SUSD4: variants seen among roughly 807,000 people sequenced by gnomAD.
SUSD4 encodes sushi domain containing 4.
SUSD4 carries 41 observed loss-of-function variants against 50.5 expected under a neutral mutation model. The ratio of observed to expected loss-of-function variants is 0.81; its 90% CI spans 0.63 to 1.05. SUSD4 has a LOEUF of 1.05. SUSD4 is among the 50% of genes least tolerant of loss of function. The pLI, the probability that SUSD4 is intolerant of heterozygous loss-of-function variation, is 0.00. For synonymous variants in SUSD4, 257 were observed against 257.3 expected, an observed-to-expected ratio of 1.00 and a Z score of 0.01; for missense variants, 580 against 634.7, an observed-to-expected ratio of 0.91 and a Z score of 0.93.
At chr1:223,317,080 T>A (rs1397784447) in intron 2 of SUSD4, among the ~76,000 whole-genome samples, 1 of 152,214 alleles carries the variant, frequency 6.6e-6, no homozygotes, top group Non-Finnish European at 1.5e-5. Context: ...CTGGGCTGCA[T>A]TCCCAGATGG....
chr1:223,359,925 G>C (rs1256219453), intron 2 of SUSD4, among the ~76,000 whole-genome samples: 1 of 140,968 alleles, frequency 7.1e-6, no homozygotes, highest in Non-Finnish European at 1.6e-5. Flanking sequence ...AACAGTGCTT[G>C]GCTCAGGACG....
chr1:223,298,556 C>G (rs1664985637), intron 2 of SUSD4, among the ~76,000 whole-genome samples: 1 of 152,170 alleles, frequency 6.6e-6, no homozygotes, highest in African/African-American at 2.4e-5. Context: ...TTTGGCCAGT[C>G]ACCCTCTGCT....
intron 2 of SUSD4, among the ~76,000 whole-genome samples, chr1:223,329,220 T>A (rs1388808130): frequency 1.3e-5 from 2 of 152,200 alleles, no homozygotes; most frequent in Admixed American, 1.3e-4. Context: ...GTATTTATCA[T>A]CATGGAGAAG....
Position 223,222,084 on chromosome 1 carries a change from G to T in SUSD4, c.*108C>A. On this transcript the variant is annotated 3_prime_UTR_variant, in exon 9 of 9. Coordinates refer to ENST00000366878, the MANE Select transcript of SUSD4 (RefSeq NM_017982.4). Reference sequence around the variant, plus strand: ...TAATGTGAACTGTGGTCCCCATGTAGACAAGTTAGACATTTTGCCCCCAGG... The same window carrying T: ...TAATGTGAACTGTGGTCCCCATGTATACAAGTTAGACATTTTGCCCCCAGG... 9.0e-7 allele frequency: 1 copy of T among 1,116,898 alleles called. No homozygotes were observed. 69.2% of individuals were successfully genotyped at this position (1,116,898 alleles called of 1,614,324 possible).
chr1:223,227,206 G>A lies in SUSD4; in HGVS notation c.1061+388C>T, dbSNP rs771904923. On this transcript the variant is annotated intron_variant, in intron 7 of 8. Coordinates refer to ENST00000366878, the MANE Select transcript of SUSD4 (RefSeq NM_017982.4). This position sits in a 1 kb window ranked among gnomAD's most constrained non-coding sequence, Gnocchi z 4.5. Reference sequence around the variant, plus strand: ...CCTCTGACCTGTGTCCCAGTCAGCTGTGTGCGCATCTTACCCTCCCTATAG... The same window carrying A: ...CCTCTGACCTGTGTCCCAGTCAGCTATGTGCGCATCTTACCCTCCCTATAG... Among the ~76,000 whole-genome samples, 1 of 152,142 alleles carries A rather than the reference G, an allele frequency of 6.6e-6. No individual in the cohort carries two copies. Among genetic ancestry groups the A allele is most frequent in the Non-Finnish European group, 1.5e-5 (1 of 68,036 alleles).
chr1:223,281,590 T>C (rs1558211476), intron 3 of SUSD4, among the ~76,000 whole-genome samples: 1 of 152,202 alleles, frequency 6.6e-6, no homozygotes, highest in Non-Finnish European at 1.5e-5. Flanking sequence ...ATTGAGGCAA[T>C]AATTAATAGC....
At chr1:223,224,862 C>CTTTTT (rs11345619) in intron 7 of SUSD4, among the ~76,000 whole-genome samples, 4 of 59,280 alleles carry the variant, frequency 6.7e-5, no homozygotes, top group Admixed American at 4.2e-4. Context: ...TGGTTTCTTC[C>CTTTTT]TTTTTTTTTT....
At chr1:223,320,398 A>C (rs1448741975) in intron 2 of SUSD4, among the ~76,000 whole-genome samples, 1 of 152,104 alleles carries the variant, frequency 6.6e-6, no homozygotes. Flanking sequence ...ATGTAGAACA[A>C]GACCAGGACA....
intron 2 of SUSD4, among the ~76,000 whole-genome samples, chr1:223,343,552 T>C (rs1667872949): frequency 6.6e-6 from 1 of 152,206 alleles, no homozygotes; most frequent in Non-Finnish European, 1.5e-5. Context: ...AAAAATATGA[T>C]ATATTGTTAA....
Position 223,227,113 on chromosome 1 carries a change from C to G in SUSD4, c.1061+481G>C, listed in dbSNP as rs1331367967. On this transcript the variant is annotated intron_variant, in intron 7 of 8. Coordinates refer to ENST00000366878, the MANE Select transcript of SUSD4 (RefSeq NM_017982.4). This position sits in a 1 kb window ranked among gnomAD's most constrained non-coding sequence, Gnocchi z 4.5. Reference sequence around the variant, plus strand: ...ACTCTCACTAGCCCTTTCCTGATTGCTCCTGGAATCAGAAAAGTCTTTTCT... The same window carrying G: ...ACTCTCACTAGCCCTTTCCTGATTGGTCCTGGAATCAGAAAAGTCTTTTCT... Among the ~76,000 whole-genome samples, 1 of 152,210 alleles carries G rather than the reference C, an allele frequency of 6.6e-6. No individual in the cohort carries two copies. The highest frequency in any genetic ancestry group is 1.5e-5 in the Non-Finnish European group (1 of 68,040).
chr1:223,307,226 C>T (rs905488124), intron 2 of SUSD4, among the ~76,000 whole-genome samples: 5 of 152,130 alleles, frequency 3.3e-5, no homozygotes, highest in African/African-American at 2.4e-5. Context: ...GAAGACAATG[C>T]ATGGGGCAAT....
intron 5 of SUSD4, among the ~76,000 whole-genome samples, chr1:223,255,023 G>C (rs1442570155): frequency 6.6e-6 from 1 of 152,228 alleles, no homozygotes; most frequent in East Asian, 1.9e-4. Flanking sequence ...CAAGGTGATA[G>C]TAACACGAAC....
At chr1:223,236,945 C>T (rs552086652) in intron 5 of SUSD4, among the ~76,000 whole-genome samples, 24 of 152,136 alleles carry the variant, frequency 1.6e-4, no homozygotes, top group East Asian at 3.9e-4. Flanking sequence ...TTGGGAAGAA[C>T]GAACATCTGG....
chr1:223,280,803 C>G (rs566246452), intron 3 of SUSD4, among the ~76,000 whole-genome samples: 1 of 152,180 alleles, frequency 6.6e-6, no homozygotes, highest in African/African-American at 2.4e-5. Context: ...AGCACCACAT[C>G]GCACTTATTC....
chr1:223,296,154 A>G (rs1458950024), intron 2 of SUSD4, among the ~76,000 whole-genome samples: 1 of 152,048 alleles, frequency 6.6e-6, no homozygotes, highest in Non-Finnish European at 1.5e-5. Context: ...CTCCTGCAGT[A>G]CTCCAGGTGA....
At chr1:223,252,238 T>A (rs200998770) in intron 5 of SUSD4, among the ~76,000 whole-genome samples, 517 of 62,202 alleles carry the variant, frequency 8.3e-3, no homozygotes, top group Non-Finnish European at 0.015. Context: ...AAAAAAAAAA[T>A]ATATATATAT....
At chr1:223,288,168 G>A (rs1476443170) in intron 3 of SUSD4, among the ~76,000 whole-genome samples, 1 of 152,154 alleles carries the variant, frequency 6.6e-6, no homozygotes, top group African/African-American at 2.4e-5. Flanking sequence ...CTGATGGGAG[G>A]TGATTGGATC....
intron 2 of SUSD4, chr1:223,360,345 T>C (rs1668904337): frequency 2.3e-6 from 1 of 426,300 alleles, no homozygotes. Flanking sequence ...GCTGAAGCCA[T>C]GCTCCATGCA....
intron 2 of SUSD4, among the ~76,000 whole-genome samples, chr1:223,315,669 A>G (rs1323480914): frequency 1.3e-5 from 2 of 152,206 alleles, no homozygotes. Context: ...TTGTCTATGC[A>G]GGGAGAAGGA....
Sources: gnomAD v4.1 joint callset for allele counts (sites outside exome capture counted in the v4.1 genomes callset) on GRCh38, gnomAD v4.1.1 for gene constraint, Gnocchi (gnomAD v3.1) non-coding constraint, MANE v1.5 for transcripts, NCBI Gene and HGNC (gene_info 2026-07-23, HGNC 2026-07-21) for gene names.